MME: variants seen among roughly 807,000 people sequenced by gnomAD.
MME encodes the protein membrane metalloendopeptidase.
MME carries 98 observed loss-of-function variants against 113.2 expected under a neutral mutation model. That is an observed-to-expected ratio of 0.87 (90% CI 0.74 to 1.02). The LOEUF is 1.02. Among genes scored for constraint, MME ranks in the 50% least tolerant of loss-of-function variants. The probability of loss-of-function intolerance (pLI) is 0.00; values close to 1 mark genes in which losing one functional copy is unlikely to be tolerated. For synonymous variants in MME, 292 were observed against 300.6 expected, an observed-to-expected ratio of 0.97 and a Z score of 0.30; for missense variants, 836 against 896.0, an observed-to-expected ratio of 0.93 and a Z score of 0.86.
intron 14 of MME, 123 bp downstream of exon 14, chr3:155,144,580 A>C: frequency 1.5e-6 from 1 of 668,416 alleles, no homozygotes. Flanking sequence ...CTCCTTCAAT[A>C]TGTAGTGTTT....
intron 16 of MME, among the ~76,000 whole-genome samples, chr3:155,153,775 C>A (rs888632377): frequency 8.7e-4 from 133 of 152,274 alleles, no homozygotes; most frequent in African/African-American, 3.0e-3. Flanking sequence ...AGCATACTGA[C>A]ATTGACAGGA....
intron 1 of MME, among the ~76,000 whole-genome samples, chr3:155,036,014 G>A (rs550306147): frequency 3.3e-5 from 5 of 152,080 alleles, no homozygotes; most frequent in Non-Finnish European, 7.4e-5. Flanking sequence ...GTATAGTTGT[G>A]GTGGAGGTGA....
intron 3 of MME, among the ~76,000 whole-genome samples, chr3:155,106,843 A>G (rs1717727914): frequency 6.6e-6 from 1 of 152,232 alleles, no homozygotes; most frequent in South Asian, 2.1e-4. Context: ...AGGTCTTTAC[A>G]AAAGAGCATT....
At chr3:155,043,572 TC>T (rs1713434765) in intron 1 of MME, among the ~76,000 whole-genome samples, 1 of 152,144 alleles carries the variant, frequency 6.6e-6, no homozygotes, top group South Asian at 2.1e-4. Context: ...CCTCAGGTGA[TC>T]CACCCGCCTT....
At chr3:155,100,803 G>A (rs946219057) in intron 3 of MME, among the ~76,000 whole-genome samples, 40 of 152,192 alleles carry the variant, frequency 2.6e-4, no homozygotes, top group Admixed American at 5.2e-4. Flanking sequence ...AGGATCACTT[G>A]AGCCCAGGAG....
chr3:155,170,827 C>T (rs978424929), intron 20 of MME, among the ~76,000 whole-genome samples: 1 of 152,110 alleles, frequency 6.6e-6, no homozygotes, highest in African/African-American at 2.4e-5. Flanking sequence ...ATGATATGGC[C>T]TGAAAACTCT....
chr3:155,132,741 C>T (rs898075824), intron 8 of MME, among the ~76,000 whole-genome samples: 1 of 151,932 alleles, frequency 6.6e-6, no homozygotes, highest in Non-Finnish European at 1.5e-5. Flanking sequence ...CCTGGCCAAT[C>T]TACTTTTTAA....
chr3:155,095,506 A>G (rs1283251186), intron 3 of MME, among the ~76,000 whole-genome samples: 1 of 152,108 alleles, frequency 6.6e-6, no homozygotes, highest in Non-Finnish European at 1.5e-5. Context: ...TCTTCCATTC[A>G]TTCATTTATT....
chr3:155,037,332 G>T (rs184326934), intron 1 of MME, among the ~76,000 whole-genome samples: 1 of 152,178 alleles, frequency 6.6e-6, no homozygotes, highest in African/African-American at 2.4e-5. Context: ...AAAATTGCTC[G>T]GTAGGTACTA....
At position 155,165,222 on chromosome 3, in the gene MME, T is replaced by G. The variant is rs549258298; in HGVS notation, c.1661-1680T>G. On this transcript the variant is annotated intron_variant, in intron 17 of 22. Transcript: ENST00000360490. The stretch of plus-strand genomic sequence containing the variant: ...CATTAAAGATAGAATTACTAAACTA[T>G]GAACATTTAATTAATTTAATTTTAA... Among the ~76,000 whole-genome samples the G allele has an allele frequency of 2.3e-4, 35 of 152,286 alleles. 1 individual carries two copies. The highest frequency in any genetic ancestry group is 7.7e-4 in the African/African-American group (32 of 41,568).
At chr3:155,099,481 A>G (rs1348711107) in intron 3 of MME, among the ~76,000 whole-genome samples, 1 of 152,190 alleles carries the variant, frequency 6.6e-6, no homozygotes, top group African/African-American at 2.4e-5. Flanking sequence ...TCCACTGTGT[A>G]GACTAGACTA....
chr3:155,145,979 T>C (rs1448017902), intron 14 of MME, among the ~76,000 whole-genome samples: 1 of 152,152 alleles, frequency 6.6e-6, no homozygotes, highest in Non-Finnish European at 1.5e-5. Flanking sequence ...GACAGATTTG[T>C]AATAAAACTG....
chr3:155,171,944 A>G (rs1406796185), intron 20 of MME, among the ~76,000 whole-genome samples, 173 bp from the exon 21 acceptor site: 1 of 152,162 alleles, frequency 6.6e-6, no homozygotes, highest in Non-Finnish European at 1.5e-5. Flanking sequence ...TTGTAAATAA[A>G]TTTGATTTGT....
intron 1 of MME, among the ~76,000 whole-genome samples, chr3:155,042,900 T>TTATATATATATATATATATATATA (rs1159626877): frequency 1.6e-5 from 1 of 62,958 alleles, no homozygotes; most frequent in Non-Finnish European, 2.9e-5. Flanking sequence ...ATAGTAGGTT[T>TTATATATATATATATATATATATA]TATATATATA....
At chr3:155,025,986 T>C (rs1712770913) in intron 1 of MME, among the ~76,000 whole-genome samples, 1 of 152,030 alleles carries the variant, frequency 6.6e-6, no homozygotes, top group South Asian at 2.1e-4. Context: ...TATCAGGTTT[T>C]AGCAAACCAT....
intron 16 of MME, among the ~76,000 whole-genome samples, chr3:155,158,107 T>C (rs1278439917): frequency 6.6e-6 from 1 of 152,132 alleles, no homozygotes; most frequent in Non-Finnish European, 1.5e-5. Flanking sequence ...TCTGAAACAT[T>C]AATTTCATAT....
At chr3:155,037,773 G>C (rs1402602709) in intron 1 of MME, among the ~76,000 whole-genome samples, 1 of 152,168 alleles carries the variant, frequency 6.6e-6, no homozygotes, top group Non-Finnish European at 1.5e-5. Context: ...GTGAGCACTG[G>C]GGAAACATTG....
At chr3:155,074,315 C>A (rs144706142) in intron 1 of MME, among the ~76,000 whole-genome samples, 2 of 152,262 alleles carry the variant, frequency 1.3e-5, no homozygotes, top group African/African-American at 4.8e-5. Context: ...TTGATAGATA[C>A]CTCAATTGAC....
Position 155,115,093 on chromosome 3 carries a change from A to G in MME, c.296A>G (p.Glu99Gly). The change falls in exon 4 of 23, where the codon GAG becomes GGG. Residue 99 changes from glutamate to glycine, a missense_variant. Coordinates refer to ENST00000360490, the MANE Select transcript of MME (RefSeq NM_007289.4). ...TGGTTGAAACGTAATGTCATTCCCG[A>G]GACCAGCTCCCGTTACGGCAACTTT... is the stretch of plus-strand genomic sequence containing the variant. Reference protein sequence around the residue: ...GGWLKRNVIPETSSRYGNFDI... With the variant: ...GGWLKRNVIPGTSSRYGNFDI... 6.2e-7 allele frequency: 1 copy of G among 1,614,172 alleles called. No individual in the cohort carries two copies. The highest frequency in any genetic ancestry group is 8.5e-7 in the Non-Finnish European group (1 of 1,180,022).
Sources: gnomAD v4.1 joint callset for allele counts (sites outside exome capture counted in the v4.1 genomes callset) on GRCh38, gnomAD v4.1.1 for gene constraint, MANE v1.5 for transcripts, NCBI Gene and HGNC (gene_info 2026-07-23, HGNC 2026-07-21) for gene names.